PIAS2: variants seen among roughly 807,000 people sequenced by gnomAD.
The protein encoded by PIAS2 is E3 SUMO-protein ligase PIAS2.
Under a neutral mutation model 69.7 loss-of-function variants are expected in PIAS2, and 19 were observed. That is an observed-to-expected ratio of 0.27 (90% CI 0.19 to 0.40). The LOEUF (loss-of-function observed/expected upper bound fraction) is 0.40. PIAS2 is among the 10% of genes least tolerant of loss of function. The pLI is 1.00. For synonymous variants in PIAS2, 261 were observed against 263.2 expected (o/e 0.99, Z 0.08); for missense variants, 624 against 757.0 (o/e 0.82, Z 2.06).
At chr18:46,835,746 A>T (rs1713047191) in intron 9 of PIAS2, among the ~76,000 whole-genome samples, 1 of 152,146 alleles carries the variant, frequency 6.6e-6, no homozygotes, top group African/African-American at 2.4e-5. Flanking sequence ...TCACCATAGG[A>T]TGGTACTGCT....
chr18:46,836,358 C>T lies in PIAS2; in HGVS notation c.1201G>A (p.Gly401Arg), dbSNP rs943955221. ...AGCTGTTAAAAGGGATATACTTACC[C>T]ATCTAATATTAGACTTTCATAGGCA... ...KAAYESLILDGLFMEILNDCS... is the reference protein window; with the variant it reads ...KAAYESLILDRLFMEILNDCS... The change falls in exon 9 of 14, where the codon GGG (glycine) becomes AGG (arginine). Residue 401 changes from glycine to arginine, a missense_variant and splice_region_variant. Transcript: ENST00000585916. 2 of 1,613,274 alleles carry T rather than the reference C, an allele frequency of 1.2e-6. No individual in the cohort carries two copies. The highest frequency in any genetic ancestry group is 1.7e-6 in the Non-Finnish European group (2 of 1,179,284).
intron 5 of PIAS2, among the ~76,000 whole-genome samples, chr18:46,851,671 G>GC (rs1253272428): frequency 6.6e-6 from 1 of 152,186 alleles, no homozygotes; most frequent in Non-Finnish European, 1.5e-5. Flanking sequence ...GTAAAACTCA[G>GC]CATCTTGATG....
intron 9 of PIAS2, among the ~76,000 whole-genome samples, chr18:46,833,659 T>C (rs1960339370): frequency 6.6e-6 from 1 of 152,202 alleles, no homozygotes; most frequent in Admixed American, 6.5e-5. Context: ...GCAGAATGTA[T>C]TATGACACTA....
chr18:46,818,113 G>T, intron 12 of PIAS2: 1 of 1,050,170 alleles, frequency 9.5e-7, no homozygotes, highest in Non-Finnish European at 1.1e-6. Flanking sequence ...AATTTTAAGT[G>T]CTTCACTGTG....
In PIAS2 at chr18:46,808,874, C is replaced by T. The variant is rs558759036; in HGVS notation, c.*3559G>A. 7.4e-6 allele frequency: 1 copy of T among 135,290 alleles called. No homozygotes were observed. Among genetic ancestry groups the T allele is most frequent in the African/African-American group, 2.8e-5 (1 of 35,404 alleles). 8.4% of individuals were successfully genotyped at this position (135,290 alleles called of 1,614,324 possible). A position where few individuals can be genotyped will look rare whatever the true frequency, so the allele number is the denominator to read the frequency against. On this transcript the variant is annotated 3_prime_UTR_variant, in exon 14 of 14. Coordinates refer to ENST00000585916, the MANE Select transcript of PIAS2 (RefSeq NM_004671.5). ...AACTGAAGGCCAGAGAAATGAAAGG[C>T]ATACCCGTGAATTAAATTAATGCTT... is the stretch of plus-strand genomic sequence containing the variant.
upstream of PIAS2, among the ~76,000 whole-genome samples, chr18:46,919,779 A>C (rs555664501): frequency 5.6e-4 from 85 of 152,350 alleles, 1 homozygote; most frequent in South Asian, 0.017. Context: ...TGAATGAACA[A>C]TGTCCAGGTT....
intron 7 of PIAS2, 80 bp from the exon 8 acceptor site, chr18:46,844,207 T>G (rs2045839655): frequency 1.7e-6 from 1 of 599,916 alleles, no homozygotes. Flanking sequence ...ATATAGCATC[T>G]TAAAACAAAA....
intron 1 of PIAS2, among the ~76,000 whole-genome samples, chr18:46,895,235 GA>G (rs1258326019): frequency 6.6e-6 from 1 of 152,128 alleles, no homozygotes; most frequent in Non-Finnish European, 1.5e-5. Flanking sequence ...AATAAGGTTA[GA>G]AATCATGGTA....
intron 8 of PIAS2, among the ~76,000 whole-genome samples, chr18:46,843,268 T>G (rs900635814): frequency 6.6e-6 from 1 of 152,168 alleles, no homozygotes; most frequent in African/African-American, 2.4e-5. Context: ...TTCTCCCCAT[T>G]TAAAAAACTG....
At chr18:46,903,341 T>C (rs1209511550) in intron 1 of PIAS2, among the ~76,000 whole-genome samples, 1 of 152,094 alleles carries the variant, frequency 6.6e-6, no homozygotes, top group Non-Finnish European at 1.5e-5. Context: ...AGGATATACT[T>C]AGAACTCTCA....
intron 9 of PIAS2, among the ~76,000 whole-genome samples, chr18:46,834,283 A>G (rs1381982511): frequency 6.6e-5 from 10 of 152,220 alleles, no homozygotes; most frequent in Non-Finnish European, 1.2e-4. Flanking sequence ...CTTGATAAAA[A>G]AAAATGTAAA....
chr18:46,836,343 A>G lies in PIAS2; in HGVS notation c.1202+14T>C, dbSNP rs766004500. On this transcript the variant is annotated intron_variant, in intron 9 of 13. Coordinates refer to ENST00000585916, the MANE Select transcript of PIAS2 (RefSeq NM_004671.5). ...GTATTAGTCCATATCAGCTGTTAAAAGGGATATACTTACCCATCTAATATT... is the reference window on the plus strand; with the variant it reads ...GTATTAGTCCATATCAGCTGTTAAAGGGGATATACTTACCCATCTAATATT... 9.9e-6 allele frequency: 16 copies of G among 1,609,566 alleles called. No homozygotes were observed. The highest frequency in any genetic ancestry group is 1.4e-5 in the Non-Finnish European group (16 of 1,176,084).
At chr18:46,860,619 G>GTA (rs1415634013) in intron 3 of PIAS2, among the ~76,000 whole-genome samples, 3 of 152,130 alleles carry the variant, frequency 2.0e-5, no homozygotes, top group Non-Finnish European at 2.9e-5. Context: ...ATCAATTACT[G>GTA]TAACACTGGA....
At chr18:46,869,262 G>C (rs1408030511) in intron 2 of PIAS2, among the ~76,000 whole-genome samples, 1 of 152,216 alleles carries the variant, frequency 6.6e-6, no homozygotes, top group Non-Finnish European at 1.5e-5. Flanking sequence ...CAGTAGAGGG[G>C]GGTTAAGCCT....
intron 1 of PIAS2, among the ~76,000 whole-genome samples, chr18:46,908,661 A>T (rs2146266929): frequency 6.6e-6 from 1 of 152,350 alleles, no homozygotes; most frequent in East Asian, 1.9e-4. Flanking sequence ...CACTATCCAT[A>T]AAGAAAAGCC....
chr18:46,898,304 C>T (rs1192773237), intron 1 of PIAS2, among the ~76,000 whole-genome samples: 1 of 151,992 alleles, frequency 6.6e-6, no homozygotes. Flanking sequence ...CACACCACCA[C>T]ACCTGGCTAA....
chr18:46,916,834 T>G (rs2057986128), intron 1 of PIAS2: 1 of 985,256 alleles, frequency 1.0e-6, no homozygotes, highest in Non-Finnish European at 1.2e-6. Context: ...CAGACCTGAC[T>G]AAACGGTAGC....
At chr18:46,874,869 A>C (rs1389117488) in intron 2 of PIAS2, among the ~76,000 whole-genome samples, 1 of 152,072 alleles carries the variant, frequency 6.6e-6, no homozygotes, top group Non-Finnish European at 1.5e-5. Context: ...AAGAAGGAAA[A>C]CGCGAACCAG....
chr18:46,906,808 A>T (rs558009526), intron 1 of PIAS2, among the ~76,000 whole-genome samples: 32 of 149,396 alleles, frequency 2.1e-4, no homozygotes, highest in Non-Finnish European at 4.0e-4. Context: ...TGAAAATATG[A>T]TTCTAAAATT....
Sources: gnomAD v4.1 joint callset for allele counts (sites outside exome capture counted in the v4.1 genomes callset) on GRCh38, gnomAD v4.1.1 for gene constraint, MANE v1.5 for transcripts, NCBI Gene and HGNC (gene_info 2026-07-23, HGNC 2026-07-21) for gene names.